Variants in SLC25A21 observed in about 807,000 individuals in gnomAD.
SLC25A21 encodes the protein mitochondrial 2-oxodicarboxylate carrier.
Under a neutral mutation model 43.8 loss-of-function variants are expected in SLC25A21, and 47 were observed. The ratio of observed to expected loss-of-function variants is 1.07; its 90% CI spans 0.85 to 1.37. The LOEUF (loss-of-function observed/expected upper bound fraction) is 1.37, where lower values mean the gene tolerates loss of function less well. Among genes scored for constraint, SLC25A21 ranks in the 40% most tolerant of loss-of-function variants. The probability of loss-of-function intolerance (pLI) is 0.00; values close to 1 mark genes in which losing one functional copy is unlikely to be tolerated. For missense variants in SLC25A21, 352 were observed against 350.2 expected, an observed-to-expected ratio of 1.00 and a Z score of -0.04; for synonymous variants, 131 against 121.3, an observed-to-expected ratio of 1.08 and a Z score of -0.52.
At chr14:37,002,766 A>G (rs1307522675) in intron 1 of SLC25A21, among the ~76,000 whole-genome samples, 2 of 152,218 alleles carry the variant, frequency 1.3e-5, no homozygotes, top group African/African-American at 4.8e-5. Context: ...ACAGCCATGT[A>G]TACTTATTAG....
intron 1 of SLC25A21, among the ~76,000 whole-genome samples, chr14:36,995,000 A>G (rs1356452363): frequency 6.6e-6 from 1 of 152,124 alleles, no homozygotes; most frequent in East Asian, 1.9e-4. Flanking sequence ...AAATGACTGA[A>G]ATTCTCTTTC....
At chr14:36,965,643 T>C (rs958252006) in intron 1 of SLC25A21, among the ~76,000 whole-genome samples, 4 of 152,176 alleles carry the variant, frequency 2.6e-5, no homozygotes, top group Non-Finnish European at 5.9e-5. Flanking sequence ...AAAAGTAGAA[T>C]ATTCTGGAGT....
intron 1 of SLC25A21, among the ~76,000 whole-genome samples, chr14:37,092,733 T>C (rs538666473): frequency 6.6e-6 from 1 of 152,114 alleles, no homozygotes; most frequent in Non-Finnish European, 1.5e-5. Flanking sequence ...CTGGGTGATA[T>C]TGCTGAGCTA....
At chr14:37,057,639 C>T (rs1200909403) in intron 1 of SLC25A21, among the ~76,000 whole-genome samples, 1 of 152,154 alleles carries the variant, frequency 6.6e-6, no homozygotes, top group African/African-American at 2.4e-5. Context: ...GACAGTAAAA[C>T]AATTTTACTC....
At chr14:37,138,714 T>A (rs1237246400) in intron 1 of SLC25A21, among the ~76,000 whole-genome samples, 3 of 152,048 alleles carry the variant, frequency 2.0e-5, no homozygotes, top group Non-Finnish European at 4.4e-5. Context: ...ATTTATGAGC[T>A]CCTTAAAAAT....
intron 1 of SLC25A21, among the ~76,000 whole-genome samples, chr14:37,054,347 T>C (rs1276467600): frequency 6.6e-6 from 1 of 152,170 alleles, no homozygotes; most frequent in Non-Finnish European, 1.5e-5. Context: ...AAAAGAACCA[T>C]CCAGCTGAGC....
chr14:37,020,461 A>C (rs1353740178), intron 1 of SLC25A21, among the ~76,000 whole-genome samples: 1 of 151,246 alleles, frequency 6.6e-6, no homozygotes, highest in East Asian at 1.9e-4. Context: ...TTTTTTTCAA[A>C]TCACAGAGTT....
chr14:37,019,588 A>G (rs1960939949), intron 1 of SLC25A21, among the ~76,000 whole-genome samples: 1 of 151,822 alleles, frequency 6.6e-6, no homozygotes, highest in Non-Finnish European at 1.5e-5. Context: ...TTAAGTCTTG[A>G]ATTTAAGGAA....
At chr14:36,783,655 G>A (rs1887152574) in intron 3 of SLC25A21, among the ~76,000 whole-genome samples, 1 of 152,152 alleles carries the variant, frequency 6.6e-6, no homozygotes, top group South Asian at 2.1e-4. Flanking sequence ...GGGAAAGGGG[G>A]ACATGGGTAA....
At chr14:37,014,374 T>A (rs1239805527) in intron 1 of SLC25A21, among the ~76,000 whole-genome samples, 2 of 152,154 alleles carry the variant, frequency 1.3e-5, no homozygotes, top group African/African-American at 4.8e-5. Flanking sequence ...ATTTCGACAA[T>A]GTTCACAGTA....
At chr14:36,977,545 T>A (rs1171430801) in intron 1 of SLC25A21, among the ~76,000 whole-genome samples, 1 of 152,132 alleles carries the variant, frequency 6.6e-6, no homozygotes. Flanking sequence ...ACCAAACTCC[T>A]GGGGAAACAG....
intron 1 of SLC25A21, among the ~76,000 whole-genome samples, chr14:37,039,429 T>C (rs573239768): frequency 1.3e-5 from 2 of 152,326 alleles, no homozygotes; most frequent in East Asian, 3.9e-4. Context: ...CTCCCATTCC[T>C]GCTTCTCCCT....
intron 1 of SLC25A21, among the ~76,000 whole-genome samples, chr14:36,909,341 T>G (rs1022397967): frequency 6.6e-6 from 1 of 151,950 alleles, no homozygotes; most frequent in African/African-American, 2.4e-5. Context: ...GAAGATAAGA[T>G]GCAAAGGACA....
At chr14:36,738,330 A>C (rs1396835354) in intron 3 of SLC25A21, among the ~76,000 whole-genome samples, 2 of 152,034 alleles carry the variant, frequency 1.3e-5, no homozygotes, top group African/African-American at 4.8e-5. Flanking sequence ...TTTTTTCTGC[A>C]AAAGAACTGA....
At chr14:37,072,214 A>G (rs915581658) in intron 1 of SLC25A21, among the ~76,000 whole-genome samples, 14 of 151,134 alleles carry the variant, frequency 9.3e-5, no homozygotes, top group African/African-American at 3.4e-4. Flanking sequence ...GAGGAAATAC[A>G]TCTTGAAATT....
chr14:36,838,286 G>A (rs551462594), intron 2 of SLC25A21, among the ~76,000 whole-genome samples: 6 of 152,294 alleles, frequency 3.9e-5, no homozygotes, highest in Admixed American at 2.0e-4. Flanking sequence ...TTCTGCCTTC[G>A]TCTGGAAGAG....
At chr14:36,693,331 G>A (rs1395221783) in intron 7 of SLC25A21, among the ~76,000 whole-genome samples, 1 of 152,160 alleles carries the variant, frequency 6.6e-6, no homozygotes, top group Non-Finnish European at 1.5e-5. Context: ...ATGGCAGCCT[G>A]AAGAAAGGTT....
At chr14:37,141,347 T>G (rs1342237972) in intron 1 of SLC25A21, among the ~76,000 whole-genome samples, 2 of 152,168 alleles carry the variant, frequency 1.3e-5, no homozygotes, top group Non-Finnish European at 2.9e-5. Context: ...CATGTTTTTG[T>G]GTGTTGCCAG....
intron 1 of SLC25A21, among the ~76,000 whole-genome samples, chr14:36,898,318 T>G (rs1362117321): frequency 1.3e-5 from 2 of 152,164 alleles, no homozygotes; most frequent in South Asian, 4.1e-4. Flanking sequence ...TCTGTGGGCG[T>G]AGGACCCTCC....
Sources: allele counts gnomAD v4.1 joint callset (sites outside exome capture counted in the v4.1 genomes callset), GRCh38; gene constraint gnomAD v4.1.1; transcripts MANE v1.5; gene names NCBI Gene and HGNC (gene_info 2026-07-23, HGNC 2026-07-21).